Variants in DDX19B observed in about 807,000 individuals in gnomAD.
The protein encoded by DDX19B is DEAD-box helicase 19B, also known as ATP-dependent RNA helicase DDX19B.
A neutral mutation model predicts 58.1 loss-of-function variants in DDX19B; 27 were observed. The ratio of observed to expected loss-of-function variants is 0.46; its 90% confidence interval spans 0.34 to 0.64. The LOEUF (loss-of-function observed/expected upper bound fraction) is 0.64. Among genes scored for constraint, DDX19B ranks in the 30% least tolerant of loss-of-function variants. DDX19B has a pLI of 0.01. For synonymous variants in DDX19B, 187 were observed against 214.4 expected (o/e 0.87, Z 1.12); for missense variants, 399 against 596.5 (o/e 0.67, Z 3.45).
chr16:70,295,104 G>A (rs1961172827), upstream of DDX19B: 4 of 1,252,664 alleles, frequency 3.2e-6, no homozygotes, highest in Admixed American at 1.2e-4. Flanking sequence ...AACTGAGACT[G>A]GCTAGGCTCA....
intron 4 of DDX19B, 25 bp from the exon 5 acceptor site, chr16:70,317,471 C>T: frequency 1.3e-6 from 2 of 1,584,296 alleles, no homozygotes; most frequent in Non-Finnish European, 1.7e-6. Flanking sequence ...GAGACTGTGA[C>T]TTTCATCTTT....
rs1597508661 is a variant in DDX19B, at chr16:70,333,862, A to G, written c.*280A>G. 2 of 528,920 alleles carry G rather than the reference A, an allele frequency of 3.8e-6. No individual in the cohort carries two copies. The highest frequency in any genetic ancestry group is 4.3e-5 in the South Asian group (2 of 46,270). 32.8% of individuals were successfully genotyped at this position (528,920 alleles called of 1,614,324 possible). A position where few individuals can be genotyped will look rare whatever the true frequency, so the allele number is the denominator to read the frequency against. ...TTTTAATTTGGCCAGTGTTTCCTTC[A>G]TGCTAATCTAGATGCTGTGGCTGAT... On this transcript the variant is annotated 3_prime_UTR_variant, in exon 12 of 12. Transcript: ENST00000288071.
At chr16:70,324,561 C>T (rs2152208939) in intron 5 of DDX19B, 24 bp from the exon 6 acceptor site, 1 of 1,601,994 alleles carries the variant, frequency 6.2e-7, no homozygotes, top group East Asian at 2.2e-5. Flanking sequence ...ATTTAAGCTC[C>T]TAACTAGTTT....
chr16:70,303,362 G>A (rs567765313), intron 1 of DDX19B, among the ~76,000 whole-genome samples: 2 of 152,218 alleles, frequency 1.3e-5, no homozygotes, highest in African/African-American at 4.8e-5. Flanking sequence ...TGCCCAGGCT[G>A]GTCTTGGAAC....
In DDX19B at chr16:70,329,997, G is replaced by A. The variant is rs1465483040; in HGVS notation, c.952G>A (p.Asp318Asn). 1 of 1,614,048 alleles carries A rather than the reference G, an allele frequency of 6.2e-7. No homozygotes were observed. Among genetic ancestry groups the A allele is most frequent in the Admixed American group, 1.7e-5 (1 of 59,986 alleles). Residue 318 changes from aspartate to asparagine, a missense_variant, in exon 9 of 12, where the codon GAC becomes AAC. Asp to Asn is a conservative substitution (Grantham distance 23). Transcript: ENST00000288071. ...GTACTATGTCCTGTGCAGCAGCAGA[G>A]ACGAGAAGTTCCAGGCCTTGTGTAA... ...KQYYVLCSSR[D>N]EKFQALCNLY... is the part of the protein sequence containing the mutation.
upstream of DDX19B, among the ~76,000 whole-genome samples, chr16:70,295,302 G>A (rs1328724281): frequency 2.0e-5 from 3 of 151,950 alleles, no homozygotes; most frequent in East Asian, 5.8e-4. Flanking sequence ...TTTGTTTTTT[G>A]TTTTGTTTTG....
In DDX19B at chr16:70,304,063, G is replaced by A. The variant is rs144533775; in HGVS notation, c.57+4709G>A. Among the ~76,000 whole-genome samples, 752 of 150,148 alleles carry A rather than the reference G, an allele frequency of 5.0e-3. 13 individuals carry two copies. The highest frequency in any genetic ancestry group is 0.017 in the African/African-American group (691 of 40,856). ...AGGTTCATCTTTTTTTTTTTGAGGC[G>A]GAGTCTGGCTCTGTCTCCCAGGCTG... On this transcript the variant is annotated intron_variant, in intron 1 of 11. Transcript: ENST00000288071.
At chr16:70,293,597 ATTTTTTTTT>A (rs71151182), upstream of DDX19B, among the ~76,000 whole-genome samples, 9 of 77,024 alleles carry the variant, frequency 1.2e-4, no homozygotes, top group East Asian at 3.0e-3. Context: ...GGATGGCTGA[ATTTTTTTTT>A]TTTTTTTTTT....
intron 5 of DDX19B, among the ~76,000 whole-genome samples, chr16:70,323,154 G>A (rs756778820): frequency 6.6e-6 from 1 of 152,040 alleles, no homozygotes; most frequent in Non-Finnish European, 1.5e-5. Flanking sequence ...GTACAGTGGT[G>A]CAGTCTCAGC....
chr16:70,294,789 G>C (rs146441809), upstream of DDX19B: 2 of 1,362,646 alleles, frequency 1.5e-6, no homozygotes, highest in Non-Finnish European at 1.9e-6. Flanking sequence ...TGAGGCTCCG[G>C]CTTGGCCAGT....
chr16:70,302,694 C>G (rs531545054), intron 1 of DDX19B, among the ~76,000 whole-genome samples: 1 of 152,274 alleles, frequency 6.6e-6, no homozygotes, highest in Admixed American at 6.5e-5. Context: ...GAAAGCTACT[C>G]TATACATTAA....
chr16:70,321,534 CTAT>C (rs1337876550), intron 5 of DDX19B, among the ~76,000 whole-genome samples: 1 of 152,182 alleles, frequency 6.6e-6, no homozygotes, highest in East Asian at 1.9e-4. Flanking sequence ...ATAACAGATA[CTAT>C]GCTAGGCACT....
chr16:70,315,405 A>G lies in DDX19B; in HGVS notation c.160+450A>G, dbSNP rs1165736832. Among the ~76,000 whole-genome samples the G allele has an allele frequency of 1.2e-4, 18 of 151,686 alleles. No homozygotes were observed. In the South Asian group the frequency reaches 3.7e-3, roughly 32 times the overall value. The stretch of plus-strand genomic sequence containing the variant: ...CTGTCTCAAAAAAAAAAAAAAAAAA[A>G]AGTTCAATATAAATAGTCAGTAGGT... On this transcript the variant is annotated intron_variant, in intron 3 of 11. Coordinates refer to ENST00000288071, the MANE Select transcript of DDX19B (RefSeq NM_007242.7).
At chr16:70,323,460 A>G (rs749903802) in intron 5 of DDX19B, among the ~76,000 whole-genome samples, 3 of 139,594 alleles carry the variant, frequency 2.1e-5, no homozygotes, top group Non-Finnish European at 3.1e-5. Flanking sequence ...GTCTCGCTCT[A>G]TCACCCAGGC....
At chr16:70,326,630 G>A (rs902566692) in intron 7 of DDX19B, among the ~76,000 whole-genome samples, 3 of 152,034 alleles carry the variant, frequency 2.0e-5, no homozygotes, top group African/African-American at 2.4e-5. Context: ...TCTGCCCTCC[G>A]GGTTCAAGTG....
chr16:70,290,329 A>G (rs1961027611), upstream of DDX19B, among the ~76,000 whole-genome samples: 1 of 152,048 alleles, frequency 6.6e-6, no homozygotes, highest in South Asian at 2.1e-4. Flanking sequence ...CGAGGTCAGG[A>G]GACCGAGAGC....
chr16:70,299,370 C>T lies in DDX19B; in HGVS notation c.57+16C>T. 1 of 1,601,916 alleles carries T rather than the reference C, an allele frequency of 6.2e-7. No homozygotes were observed. The highest frequency in any genetic ancestry group is 8.5e-7 in the Non-Finnish European group (1 of 1,174,706). ...GGCTGAGTCGGTGAGTTGGCTTCAG[C>T]CCTAAAAGGGTCAGGGGACTAGTTC... On this transcript the variant is annotated intron_variant, in intron 1 of 11. Transcript: ENST00000288071.
At chr16:70,294,976 C>T (rs1017311883), upstream of DDX19B, 1 of 1,440,434 alleles carries the variant, frequency 6.9e-7, no homozygotes, top group Non-Finnish European at 9.1e-7. Flanking sequence ...GTGCCTTCCT[C>T]GCCCCTACTC....
intron 4 of DDX19B, 142 bp downstream of exon 4, chr16:70,316,246 G>A (rs1048901173): frequency 8.0e-7 from 1 of 1,249,238 alleles, no homozygotes; most frequent in Non-Finnish European, 1.1e-6. Context: ...GTCTCACTCT[G>A]TTGCCCAGGC....
Sources: allele counts gnomAD v4.1 joint callset (sites outside exome capture counted in the v4.1 genomes callset), GRCh38; gene constraint gnomAD v4.1.1; transcripts MANE v1.5; gene names NCBI Gene and HGNC (gene_info 2026-07-23, HGNC 2026-07-21).